Variants in CSMD1 observed in about 807,000 individuals in gnomAD.
CSMD1 encodes the protein CUB and sushi domain-containing protein 1.
Under a neutral mutation model 417.5 loss-of-function variants are expected in CSMD1, and 213 were observed. That is an observed-to-expected ratio of 0.51 (90% CI 0.46 to 0.57). The LOEUF is 0.57. CSMD1 is among the 20% of genes least tolerant of loss of function. The pLI, the probability that CSMD1 is intolerant of heterozygous loss-of-function variation, is 0.00. For missense variants in CSMD1, 6,923 were observed against 4,529.7 expected (o/e 1.53, Z -15.17); for synonymous variants, 2,862 against 1,736.8 (o/e 1.65, Z -16.11).
intron 2 of CSMD1, among the ~76,000 whole-genome samples, chr8:4,622,476 C>A (rs937889681): frequency 6.6e-6 from 1 of 152,104 alleles, no homozygotes; most frequent in Non-Finnish European, 1.5e-5. Flanking sequence ...CTGACTGGCA[C>A]ATAATCAGAA....
chr8:3,599,489 C>A (rs943851096), intron 8 of CSMD1, among the ~76,000 whole-genome samples: 2 of 152,058 alleles, frequency 1.3e-5, no homozygotes, highest in African/African-American at 2.4e-5. Flanking sequence ...GTAACCCCAA[C>A]GCAGAGTTAG....
intron 12 of CSMD1, among the ~76,000 whole-genome samples, chr8:3,454,638 GC>G (rs1815984184): frequency 6.6e-6 from 1 of 152,138 alleles, no homozygotes; most frequent in Non-Finnish European, 1.5e-5. Context: ...TTGAATATTG[GC>G]CCCCACTCTC....
intron 3 of CSMD1, among the ~76,000 whole-genome samples, chr8:4,253,266 A>C (rs912844339): frequency 1.3e-5 from 2 of 152,210 alleles, no homozygotes; most frequent in African/African-American, 2.4e-5. Context: ...CTTGATGTTA[A>C]GACCCTGAGG....
intron 3 of CSMD1, among the ~76,000 whole-genome samples, chr8:4,174,165 A>G (rs1451376687): frequency 6.6e-6 from 1 of 152,154 alleles, no homozygotes; most frequent in Admixed American, 6.5e-5. Flanking sequence ...GGCTGCCCCT[A>G]GAGGAGAATG....
chr8:3,499,990 A>G (rs1451203175), intron 10 of CSMD1, among the ~76,000 whole-genome samples: 6 of 152,062 alleles, frequency 3.9e-5, no homozygotes, highest in Non-Finnish European at 5.9e-5. Context: ...CTCAGGGCCT[A>G]TGAGGCCTGT....
In CSMD1 at chr8:3,340,177, T is replaced by C. The variant is rs577047207; in HGVS notation, c.3631+3117A>G. The stretch of plus-strand genomic sequence containing the variant: ...TGGTATTCAGTTAGAAGGCCTGGAT[T>C]TGGGTTGCAATTACACCACTCCCTG... On this transcript the variant is annotated intron_variant, in intron 23 of 69. Transcript: ENST00000635120. Among the ~76,000 whole-genome samples the C allele has an allele frequency of 1.1e-4, 16 of 152,270 alleles. No individual in the cohort carries two copies. The South Asian group carries it at 3.3e-3, about 32-fold the overall frequency.
chr8:4,930,670 C>A (rs1408402058), intron 1 of CSMD1, among the ~76,000 whole-genome samples: 1 of 152,150 alleles, frequency 6.6e-6, no homozygotes, highest in East Asian at 1.9e-4. Context: ...ATATTTCCTA[C>A]CCCAGGTATC....
chr8:3,051,489 G>T (rs1410315267), intron 50 of CSMD1, among the ~76,000 whole-genome samples: 1 of 152,116 alleles, frequency 6.6e-6, no homozygotes, highest in South Asian at 2.1e-4. Context: ...ACTGTCTCTT[G>T]GGTACTATGG....
intron 1 of CSMD1, among the ~76,000 whole-genome samples, chr8:4,829,349 C>G (rs1047900942): frequency 1.3e-5 from 2 of 152,152 alleles, no homozygotes; most frequent in African/African-American, 4.8e-5. Context: ...CATTACGTGT[C>G]TATACTGGGC....
rs192379325 is a variant in CSMD1, at chr8:4,329,037, T to A, written c.415+90916A>T. On this transcript the variant is annotated intron_variant, in intron 3 of 69. Transcript: ENST00000635120. ...TCCAACATCAATCTTCCTTTGTAAGTCAAGCCCTGGAGAATAATCACATAA... is the reference window on the plus strand; with the variant it reads ...TCCAACATCAATCTTCCTTTGTAAGACAAGCCCTGGAGAATAATCACATAA... Among the ~76,000 whole-genome samples, 40 of 152,284 alleles carry A rather than the reference T, an allele frequency of 2.6e-4. No homozygotes were observed. The East Asian group carries it at 4.3e-3, about 16-fold the overall frequency.
chr8:4,438,645 G>A (rs576596850), intron 2 of CSMD1, among the ~76,000 whole-genome samples: 31 of 152,196 alleles, frequency 2.0e-4, no homozygotes, highest in African/African-American at 6.3e-4. Context: ...CCATGGAGTA[G>A]TATTTACTTG....
At chr8:3,288,930 C>G (rs1440821753) in intron 25 of CSMD1, among the ~76,000 whole-genome samples, 1 of 146,998 alleles carries the variant, frequency 6.8e-6, no homozygotes, top group Admixed American at 6.7e-5. Context: ...CACCCATTAA[C>G]TCATCATTTA....
At chr8:3,203,902 A>G (rs971390607) in intron 31 of CSMD1, among the ~76,000 whole-genome samples, 19 of 152,306 alleles carry the variant, frequency 1.2e-4, no homozygotes, top group East Asian at 1.9e-4. Flanking sequence ...TAAGGATCAC[A>G]TCACCCCGTA....
At chr8:4,374,477 C>G (rs188021399) in intron 3 of CSMD1, among the ~76,000 whole-genome samples, 3 of 152,190 alleles carry the variant, frequency 2.0e-5, no homozygotes, top group Admixed American at 6.5e-5. Flanking sequence ...AGGAAGACAG[C>G]TTGCTACTGG....
intron 2 of CSMD1, among the ~76,000 whole-genome samples, chr8:4,555,043 C>A (rs552883612): frequency 2.6e-5 from 4 of 152,270 alleles, no homozygotes; most frequent in Non-Finnish European, 4.4e-5. Context: ...CTGGTAGGAG[C>A]CAGCCCACGC....
chr8:4,870,491 TG>T (rs1290922580), intron 1 of CSMD1, among the ~76,000 whole-genome samples: 2 of 152,174 alleles, frequency 1.3e-5, no homozygotes, highest in African/African-American at 4.8e-5. Context: ...TAGACATGTT[TG>T]GGTTTTCACT....
chr8:4,038,443 C>G (rs550802872), intron 3 of CSMD1, among the ~76,000 whole-genome samples: 2 of 152,040 alleles, frequency 1.3e-5, no homozygotes, highest in African/African-American at 4.8e-5. Flanking sequence ...ACAAATATTA[C>G]CAAAATATGG....
intron 52 of CSMD1, among the ~76,000 whole-genome samples, chr8:3,007,317 T>C (rs1808013449): frequency 6.6e-6 from 1 of 151,950 alleles, no homozygotes; most frequent in South Asian, 2.1e-4. Flanking sequence ...CACTACACTG[T>C]TGGTGGGACT....
rs1293109361 is a variant in CSMD1, at chr8:4,891,182, C to A, written c.85+103150G>T. Among the ~76,000 whole-genome samples, 6 of 152,090 alleles carry A rather than the reference C, an allele frequency of 3.9e-5. 1 individual carries two copies. Among genetic ancestry groups the A allele is most frequent in the African/African-American group, 1.5e-4 (6 of 41,374 alleles). ...GTCAATGAGATTTCTGAAAATACAT[C>A]TGGAAGTGAAACATGTGACAGTCAC... is the stretch of plus-strand genomic sequence containing the variant. On this transcript the variant is annotated intron_variant, in intron 1 of 69. Coordinates refer to ENST00000635120, the MANE Select transcript of CSMD1 (RefSeq NM_033225.6).
Sources: gnomAD v4.1 joint callset for allele counts (sites outside exome capture counted in the v4.1 genomes callset) on GRCh38, gnomAD v4.1.1 for gene constraint, MANE v1.5 for transcripts, NCBI Gene and HGNC (gene_info 2026-07-23, HGNC 2026-07-21) for gene names.